PCDHA6: variants seen among roughly 807,000 people sequenced by gnomAD.
PCDHA6 encodes the protein protocadherin alpha 6.
PCDHA6 carries 55 observed loss-of-function variants against 60.3 expected under a neutral mutation model. The observed-to-expected ratio is 0.91, with a 90% confidence interval of 0.73 to 1.14. PCDHA6 has a LOEUF of 1.14. Among genes scored for constraint, PCDHA6 ranks in the 50% most tolerant of loss-of-function variants. The probability of loss-of-function intolerance (pLI) is 0.00; values close to 1 mark genes in which losing one functional copy is unlikely to be tolerated. For synonymous variants in PCDHA6, 652 were observed against 557.9 expected (o/e 1.17, Z -2.38); for missense variants, 1,327 against 1,256.5 (o/e 1.06, Z -0.85).
intron 3 of PCDHA6, among the ~76,000 whole-genome samples, chr5:140,989,709 C>T (rs2097355670): frequency 6.6e-6 from 1 of 152,160 alleles, no homozygotes; most frequent in South Asian, 2.1e-4. Flanking sequence ...TCTTCAGAGG[C>T]AGTCAGCTTT....
chr5:140,925,671 A>G (rs999903876), intron 1 of PCDHA6, among the ~76,000 whole-genome samples: 5 of 148,178 alleles, frequency 3.4e-5, no homozygotes, highest in African/African-American at 1.2e-4. Flanking sequence ...TAATAATAAT[A>G]ATAATAAAGC....
intron 1 of PCDHA6, among the ~76,000 whole-genome samples, chr5:140,844,423 T>C (rs1779370902): frequency 6.7e-6 from 1 of 149,538 alleles, no homozygotes; most frequent in South Asian, 2.1e-4. Flanking sequence ...ATGTTTTTTA[T>C]TCTACATGAT....
chr5:140,937,343 A>G (rs1412775724), intron 1 of PCDHA6, among the ~76,000 whole-genome samples: 1 of 151,948 alleles, frequency 6.6e-6, no homozygotes, highest in Non-Finnish European at 1.5e-5. Context: ...GGCTTCTTCC[A>G]TTTATTTTAT....
At chr5:140,893,510 G>A (rs1554185640) in intron 1 of PCDHA6, among the ~76,000 whole-genome samples, 1 of 152,148 alleles carries the variant, frequency 6.6e-6, no homozygotes, top group African/African-American at 2.4e-5. Flanking sequence ...AAAAAAAGCA[G>A]TTGTAGAACT....
chr5:140,885,727 A>G (rs539866953), intron 1 of PCDHA6, among the ~76,000 whole-genome samples: 1 of 152,308 alleles, frequency 6.6e-6, no homozygotes, highest in South Asian at 2.1e-4. Context: ...TCTCTGTGAA[A>G]TGATATTTCA....
In PCDHA6 at chr5:140,875,510, G is replaced by T. The variant is rs186070067; in HGVS notation, c.2394+45025G>T. The stretch of plus-strand genomic sequence containing the variant: ...GGACCAAGAGGCCCGGGATCCCAGC[G>T]TCTGCTGCTCTCGCTTCTGCTCCTT... On this transcript the variant is annotated intron_variant, in intron 1 of 3. Transcript: ENST00000529310. 1.2e-5 allele frequency: 19 copies of T among 1,613,812 alleles called. No homozygotes were observed. Among genetic ancestry groups the T allele is most frequent in the Non-Finnish European group, 1.6e-5 (19 of 1,179,784 alleles).
intron 1 of PCDHA6, chr5:140,861,935 C>T (rs2047149357): frequency 6.5e-6 from 1 of 153,898 alleles, no homozygotes; most frequent in Admixed American, 6.5e-5. Flanking sequence ...TGATGATGCC[C>T]AGTGTTTGAC....
At position 140,841,567 on chromosome 5, in the gene PCDHA6, C is replaced by T. The variant is rs2150318381; in HGVS notation, c.2394+11082C>T. On this transcript the variant is annotated intron_variant, in intron 1 of 3. Transcript: ENST00000529310. ...TTCTGGAGGTAAGTCTGCAGAATGG[C>T]ATTTTGTTTGTGAATTCTCGGATCG... The T allele has an allele frequency of 5.6e-6, 9 of 1,613,816 alleles. No homozygotes were observed. The East Asian group carries it at 6.7e-5, about 12-fold the overall frequency.
chr5:140,949,664 A>T (rs2094409163), intron 1 of PCDHA6, among the ~76,000 whole-genome samples: 1 of 151,578 alleles, frequency 6.6e-6, no homozygotes, highest in African/African-American at 2.4e-5. Context: ...TTGTTTCTTT[A>T]AAGTATGCCC....
chr5:140,857,883 C>T (rs782327077), intron 1 of PCDHA6: 1 of 1,597,548 alleles, frequency 6.3e-7, no homozygotes, highest in Admixed American at 1.7e-5. Context: ...GAATTGCAGT[C>T]GGCGGCGGTT....
chr5:140,980,901 T>C, intron 2 of PCDHA6, among the ~76,000 whole-genome samples: 1 of 152,218 alleles, frequency 6.6e-6, no homozygotes, highest in East Asian at 1.9e-4. Context: ...TTGGACATCA[T>C]GTAACTATTC....
chr5:140,834,789 A>G lies in PCDHA6; in HGVS notation c.2394+4304A>G, dbSNP rs1164245907. 4 of 1,613,586 alleles carry G rather than the reference A, an allele frequency of 2.5e-6. No homozygotes were observed. The African/African-American group carries it at 5.3e-5, about 22-fold the overall frequency. Reference sequence around the variant, plus strand: ...CGACAACCCTCCGGTGTTCCCAGCGACACAAAGGAATCTGTTCATCGCGGA... The same window carrying G: ...CGACAACCCTCCGGTGTTCCCAGCGGCACAAAGGAATCTGTTCATCGCGGA... On this transcript the variant is annotated intron_variant, in intron 1 of 3. Coordinates refer to ENST00000529310, the MANE Select transcript of PCDHA6 (RefSeq NM_018909.4).
chr5:140,872,999 T>C (rs534267052), intron 1 of PCDHA6, among the ~76,000 whole-genome samples: 3 of 152,296 alleles, frequency 2.0e-5, no homozygotes, highest in African/African-American at 7.2e-5. Context: ...TACTTCTGAG[T>C]CATTCTTCAT....
chr5:140,893,467 A>G (rs2064001411), intron 1 of PCDHA6, among the ~76,000 whole-genome samples: 1 of 152,186 alleles, frequency 6.6e-6, no homozygotes, highest in Non-Finnish European at 1.5e-5. Context: ...AGCCTGGGCA[A>G]CATAGCAAGA....
chr5:140,924,944 TA>T (rs11334471), intron 1 of PCDHA6, among the ~76,000 whole-genome samples: 51,245 of 142,818 alleles, frequency 0.36, 9,188 homozygotes, highest in East Asian at 0.56. Flanking sequence ...AATAAAAAGT[TA>T]AAAAAAAAAT....
chr5:140,870,263 C>T (rs1581940012), intron 1 of PCDHA6: 2 of 1,614,182 alleles, frequency 1.2e-6, no homozygotes, highest in East Asian at 4.5e-5. Flanking sequence ...GTGACCTGCT[C>T]GCTGACGCCC....
intron 1 of PCDHA6, chr5:140,882,266 A>G (rs1471101520): frequency 6.2e-7 from 1 of 1,610,426 alleles, no homozygotes; most frequent in South Asian, 1.1e-5. Flanking sequence ...TTTGGAGTGT[A>G]CCATGCTGTC....
chr5:140,972,499 G>A (rs1398741603), intron 1 of PCDHA6, among the ~76,000 whole-genome samples: 3 of 151,888 alleles, frequency 2.0e-5, no homozygotes, highest in South Asian at 4.2e-4. Flanking sequence ...TAATCTGTTG[G>A]TAGATTTTAC....
intron 1 of PCDHA6, among the ~76,000 whole-genome samples, chr5:140,955,489 A>G (rs1554221953): frequency 1.3e-5 from 2 of 152,114 alleles, no homozygotes; most frequent in Non-Finnish European, 2.9e-5. Context: ...CCTTCCTGCC[A>G]CCATGTGAAG....
Sources: gnomAD v4.1 joint callset for allele counts (sites outside exome capture counted in the v4.1 genomes callset) on GRCh38, gnomAD v4.1.1 for gene constraint, MANE v1.5 for transcripts, NCBI Gene and HGNC (gene_info 2026-07-23, HGNC 2026-07-21) for gene names.